The following CFAP46 variants were observed in gnomAD, a reference collection of about 807,000 sequenced individuals.
The protein encoded by CFAP46 is cilia and flagella associated protein 46, also known as cilia- and flagella-associated protein 46.
A neutral mutation model predicts 325.7 loss-of-function variants in CFAP46; 245 were observed. The ratio of observed to expected loss-of-function variants is 0.75; its 90% CI spans 0.68 to 0.84. The LOEUF is 0.84. CFAP46 is among the 40% of genes least tolerant of loss of function. The pLI is 0.00. For synonymous variants in CFAP46, 1,523 were observed against 1,495.9 expected, an observed-to-expected ratio of 1.02 and a Z score of -0.42; for missense variants, 3,346 against 3,543.0, an observed-to-expected ratio of 0.94 and a Z score of 1.41.
In CFAP46 at chr10:132,879,490, G is replaced by C; in HGVS notation, c.3941C>G (p.Pro1314Arg). ...GCAGTCCTCGTAGCCCTCGGCGCCC[G>C]GCGACAGCACCAGGGCCAGCAGGAT... ...VHILLALVLS[P>R]GAEGYEDCCL... Residue 1314 changes from proline (P) to arginine (R), a missense_variant, in exon 29 of 58, where the codon CCG (proline) becomes CGG (arginine). Pro to Arg is a moderately radical substitution (Grantham distance 103, BLOSUM62 -2). Transcript: ENST00000368586. 1.3e-6 allele frequency: 2 copies of C among 1,546,702 alleles called. No homozygotes were observed. The highest frequency in any genetic ancestry group is 2.4e-5 in the East Asian group (1 of 40,856).
chr10:132,908,569 C>A lies in CFAP46; in HGVS notation c.2823G>T (p.Arg941=), dbSNP rs1452382569. 6.5e-7 allele frequency: 1 copy of A among 1,550,354 alleles called. No homozygotes were observed. Among genetic ancestry groups the A allele is most frequent in the South Asian group, 1.2e-5 (1 of 84,046 alleles). Residue 941 remains arginine, a synonymous_variant, in exon 22 of 58, where the codon CGG becomes CGT. Coordinates refer to ENST00000368586, the MANE Select transcript of CFAP46 (RefSeq NM_001200049.3). Reference sequence around the variant, plus strand: ...GCGCTGCATGGGCGAAGTGGGTCAGCCGCGTCAGGGTCTGCAGCTCCACCA... The same window carrying A: ...GCGCTGCATGGGCGAAGTGGGTCAGACGCGTCAGGGTCTGCAGCTCCACCA... ...DPLVELQTLT[R]LTHFAHAARD...
intron 14 of CFAP46, 44 bp downstream of exon 14, chr10:132,920,015 C>A: frequency 6.8e-7 from 1 of 1,467,578 alleles, no homozygotes; most frequent in Non-Finnish European, 9.0e-7. Flanking sequence ...TGAGCGACCC[C>A]CGGGCTGAGC....
Position 132,886,771 on chromosome 10 carries a change from C to G in CFAP46, c.3305-812G>C, listed in dbSNP as rs1232305761. Among the ~76,000 whole-genome samples the G allele has an allele frequency of 6.6e-6, 1 of 152,286 alleles. No individual in the cohort carries two copies. The highest frequency in any genetic ancestry group is 1.9e-4 in the East Asian group (1 of 5,176). ...GCCCCGGGAGATCCAAAACATCAAA[C>G]CAAGGCCATGGAGGCCCCACCTCGG... On this transcript the variant is annotated intron_variant, in intron 25 of 57. Transcript: ENST00000368586. This position sits in a 1 kb window ranked among gnomAD's most constrained non-coding sequence, Gnocchi z 5.8.
rs1216773707 is a variant in CFAP46 at position 132,941,000 on chromosome 10, G to A, written c.367C>T (p.Pro123Ser). 2 of 1,614,140 alleles carry A rather than the reference G, an allele frequency of 1.2e-6. No homozygotes were observed. Among genetic ancestry groups the A allele is most frequent in the Non-Finnish European group, 1.7e-6 (2 of 1,180,012 alleles). ...MKAINFAKGE[P>S]RYYFLVYNAS... is the part of the protein sequence containing the mutation. The stretch of plus-strand genomic sequence containing the variant: ...GGCCACTTCAATTTTGCCTACCTCG[G>A]TTCTCCTTTGGCAAAGTTTATGGCC... The change falls in exon 4 of 58, where the codon CCG becomes TCG. Residue 123 changes from proline (P) to serine (S), a missense_variant. Transcript: ENST00000368586.
chr10:132,937,109 T>TTCGTCCATTAATTCATGACGAACC, intron 6 of CFAP46, 54 bp from the exon 7 acceptor site: 2 of 1,065,286 alleles, frequency 1.9e-6, no homozygotes, highest in Non-Finnish European at 2.6e-6. Flanking sequence ...TCGGTAGAGG[T>TTCGTCCATTAATTCATGACGAACC]TCAGATTTTG....
rs999238964 is a variant in CFAP46 at position 132,810,625 on chromosome 10, C to T, written c.7584-136G>A. 12 of 812,182 alleles carry T rather than the reference C, an allele frequency of 1.5e-5. No homozygotes were observed. The African/African-American group carries it at 1.5e-4, about 10-fold the overall frequency. 50.3% of individuals were successfully genotyped at this position (812,182 alleles called of 1,614,324 possible). ...TGGCCCGCAGCGCGTTGTCCTGCAG[C>T]AGCGTCGGCCACTGGTTTGCCAGGA... On this transcript the variant is annotated intron_variant, in intron 56 of 57. Transcript: ENST00000368586.
In CFAP46 at chr10:132,808,601, G is replaced by A. The variant is rs991259721; in HGVS notation, c.7968C>T (p.Ser2656=). 1.9e-6 allele frequency: 3 copies of A among 1,612,294 alleles called. No individual in the cohort carries two copies. The highest frequency in any genetic ancestry group is 2.7e-5 in the African/African-American group (2 of 74,914). ...ASARDPPPAT[S]RKAAAWTSSS... Reference sequence around the variant, plus strand: ...TCGAGGTCCAGGCGGCTGCCTTGCGGGAAGTCGCTGGGGGAGGGTCCCTGG... The same window carrying A: ...TCGAGGTCCAGGCGGCTGCCTTGCGAGAAGTCGCTGGGGGAGGGTCCCTGG... The change falls in exon 58 of 58, where the codon TCC becomes TCT. Residue 2656 remains serine (S), a synonymous_variant. Transcript: ENST00000368586. This position sits in a 1 kb window ranked among gnomAD's most constrained non-coding sequence, Gnocchi z 6.8.
In CFAP46 at chr10:132,924,874, T is replaced by C; in HGVS notation, c.1078A>G (p.Ile360Val). 1.4e-6 allele frequency: 2 copies of C among 1,390,448 alleles called. No individual in the cohort carries two copies. Among genetic ancestry groups the C allele is most frequent in the East Asian group, 6.0e-5 (2 of 33,546 alleles). The allele number at this position is 1,390,448 out of a possible 1,614,324, so 86.1% of individuals were successfully genotyped here. A position where few individuals can be genotyped will look rare whatever the true frequency, so the allele number is the denominator to read the frequency against. Residue 360 changes from isoleucine to valine, a missense_variant, in exon 11 of 58, where the codon ATC becomes GTC. By Grantham distance (29) the Ile-to-Val change is conservative (BLOSUM62 3). Coordinates refer to ENST00000368586, the MANE Select transcript of CFAP46 (RefSeq NM_001200049.3). The stretch of plus-strand genomic sequence containing the variant: ...AGCGCGACGTCTAGCCTCTGTATGA[T>C]ATCCAGCTGGGCCTGCGGAGAAGAC... ...NRAAVEAQLD[I>V]IQRLDVALQR...
intron 7 of CFAP46, among the ~76,000 whole-genome samples, chr10:132,935,974 A>AGCC (rs1324063821): frequency 5.4e-5 from 3 of 55,104 alleles, no homozygotes; most frequent in African/African-American, 1.6e-4. Flanking sequence ...CACTCCCCTC[A>AGCC]CATCCAAACA....
At chr10:132,880,099 CGT>C (rs377010441) in intron 28 of CFAP46, among the ~76,000 whole-genome samples, 2 of 149,700 alleles carry the variant, frequency 1.3e-5, no homozygotes, top group East Asian at 1.9e-4. Flanking sequence ...GCTGTGCGCA[CGT>C]GTGTGTGTGT....
At position 132,884,779 on chromosome 10, in the gene CFAP46, G is replaced by C. The variant is rs1016389335; in HGVS notation, c.3627+324C>G. On this transcript the variant is annotated intron_variant, in intron 27 of 57. Transcript: ENST00000368586. This position sits in a 1 kb window ranked among gnomAD's most constrained non-coding sequence, Gnocchi z 5.4. ...TCTCCTCTGCAGCCACCCGCCCATC[G>C]GGGCCCTGGTGCCACCAGGGGAGCC... Among the ~76,000 whole-genome samples the C allele has an allele frequency of 6.6e-6, 1 of 151,962 alleles. No homozygotes were observed. Among genetic ancestry groups the C allele is most frequent in the African/African-American group, 2.4e-5 (1 of 41,392 alleles).
intron 41 of CFAP46, among the ~76,000 whole-genome samples, chr10:132,848,601 A>G (rs955700302): frequency 6.6e-6 from 1 of 152,210 alleles, no homozygotes; most frequent in African/African-American, 2.4e-5. Context: ...TGCACAAACA[A>G]GAGAGGCTGC....
rs1038525109 is a variant in CFAP46, at chr10:132,877,710, G to A, written c.4212+171C>T. On this transcript the variant is annotated intron_variant, in intron 30 of 57. Transcript: ENST00000368586. This position sits in a 1 kb window ranked among gnomAD's most constrained non-coding sequence, Gnocchi z 5.7. ...CCCAGCCTCTGCACTGAGGCCACCTGGGGCTCCTCCGAGAACCCTGACAGG... is the reference window on the plus strand; with the variant it reads ...CCCAGCCTCTGCACTGAGGCCACCTAGGGCTCCTCCGAGAACCCTGACAGG... Among the ~76,000 whole-genome samples, 2 of 151,596 alleles carry A rather than the reference G, an allele frequency of 1.3e-5. No homozygotes were observed. The highest frequency in any genetic ancestry group is 3.0e-5 in the Non-Finnish European group (2 of 67,730).
At position 132,889,200 on chromosome 10, in the gene CFAP46, C is replaced by T. The variant is rs973271908; in HGVS notation, c.3304+3133G>A. ...CAGCCCCGTCATGCTATCAGCAGGACCCGCCTCTGGTGCCAGCACCTGGAC... is the reference window on the plus strand; with the variant it reads ...CAGCCCCGTCATGCTATCAGCAGGATCCGCCTCTGGTGCCAGCACCTGGAC... On this transcript the variant is annotated intron_variant, in intron 25 of 57. Transcript: ENST00000368586. The surrounding 1 kb of genome is among the most constrained non-coding windows in gnomAD (Gnocchi z 6.0). Among the ~76,000 whole-genome samples, 4 of 152,192 alleles carry T rather than the reference C, an allele frequency of 2.6e-5. No individual in the cohort carries two copies. Among genetic ancestry groups the T allele is most frequent in the Non-Finnish European group, 4.4e-5 (3 of 68,030 alleles).
In CFAP46 at chr10:132,942,035, G is replaced by T. The variant is rs2135760381; in HGVS notation, c.119C>A (p.Pro40His). 6.4e-7 allele frequency: 1 copy of T among 1,551,864 alleles called. No individual in the cohort carries two copies. Residue 40 changes from proline (P) to histidine (H), a missense_variant, in exon 2 of 58, where the codon CCC becomes CAC. By Grantham distance (77) the Pro-to-His change is moderately conservative. Transcript: ENST00000368586. ...CAGGTCTGGGCTGAAGCTCTCTGAGGGGTCAAACTCCGATTTCCCTAGGTT... is the reference window on the plus strand; with the variant it reads ...CAGGTCTGGGCTGAAGCTCTCTGAGTGGTCAAACTCCGATTTCCCTAGGTT... ...SANLGKSEFDPSESFSPDLFV... is the reference protein window; with the variant it reads ...SANLGKSEFDHSESFSPDLFV...
At position 132,857,590 on chromosome 10, in the gene CFAP46, G is replaced by C. The variant is rs73391289; in HGVS notation, c.5574C>G (p.Asp1858Glu). ...HSVQGLLSLQDLQNVNTPLMR... is the reference protein window; with the variant it reads ...HSVQGLLSLQELQNVNTPLMR... Reference sequence around the variant, plus strand: ...CACAGGAACCAGGACACCTGCTTACGTCTTGAAGTGACAATAGGCCCTGGA... The same window carrying C: ...CACAGGAACCAGGACACCTGCTTACCTCTTGAAGTGACAATAGGCCCTGGA... Residue 1858 changes from aspartate (D) to glutamate (E), a missense_variant and splice_region_variant, in exon 39 of 58, where the codon GAC becomes GAG. Transcript: ENST00000368586. 46,326 of 1,612,820 alleles carry C rather than the reference G, an allele frequency of 0.029. 2,577 individuals are homozygous for C. Among genetic ancestry groups the C allele is most frequent in the African/African-American group, 0.24 (17,761 of 74,840 alleles).
In CFAP46 at chr10:132,919,251, C is replaced by T. The variant is rs867214914; in HGVS notation, c.1858+64G>A. 1.3e-6 allele frequency: 2 copies of T among 1,499,416 alleles called. No homozygotes were observed. The highest frequency in any genetic ancestry group is 4.2e-4 in the Middle Eastern group (2 of 4,806). 92.9% of individuals were successfully genotyped at this position (1,499,416 alleles called of 1,614,324 possible). ...GGGTTGTCATTGCACGAACCACAACCCTTCCCACACCCAGAGGGCGGCCGT... is the reference window on the plus strand; with the variant it reads ...GGGTTGTCATTGCACGAACCACAACTCTTCCCACACCCAGAGGGCGGCCGT... On this transcript the variant is annotated intron_variant, in intron 15 of 57. Coordinates refer to ENST00000368586, the MANE Select transcript of CFAP46 (RefSeq NM_001200049.3). This position sits in a 1 kb window ranked among gnomAD's most constrained non-coding sequence, Gnocchi z 9.7.
At chr10:132,938,522 G>T in intron 5 of CFAP46, 67 bp downstream of exon 5, 1 of 1,487,550 alleles carries the variant, frequency 6.7e-7, no homozygotes, top group Non-Finnish European at 9.3e-7. Flanking sequence ...CGGAGAAGGG[G>T]TGGTGGCCTC....
chr10:132,910,218 G>C, intron 19 of CFAP46, 150 bp from the exon 20 acceptor site: 1 of 690,624 alleles, frequency 1.4e-6, no homozygotes, highest in Non-Finnish European at 2.1e-6. Flanking sequence ...ACCAGCGGCT[G>C]CACCACAAAC....
Sources: allele counts gnomAD v4.1 joint callset (sites outside exome capture counted in the v4.1 genomes callset), GRCh38; gene constraint gnomAD v4.1.1; non-coding constraint Gnocchi (gnomAD v3.1); transcripts MANE v1.5; gene names NCBI Gene and HGNC (gene_info 2026-07-23, HGNC 2026-07-21).